Variants in MTO1 observed in about 807,000 individuals in gnomAD.
MTO1 encodes 5-taurinomethyluridine-[tRNA] synthase subunit MTO1, mitochondrial.
MTO1 carries 46 observed loss-of-function variants against 71.6 expected under a neutral mutation model. The observed-to-expected ratio is 0.64, with a 90% CI of 0.51 to 0.82. The LOEUF is 0.82. MTO1 is among the 40% of genes least tolerant of loss of function. The pLI is 0.00. For missense variants in MTO1, 773 were observed against 867.5 expected, an observed-to-expected ratio of 0.89 and a Z score of 1.37; for synonymous variants, 297 against 312.1, an observed-to-expected ratio of 0.95 and a Z score of 0.51.
At chr6:73,490,783 G>A (rs1675981337) in intron 9 of MTO1, among the ~76,000 whole-genome samples, 1 of 151,622 alleles carries the variant, frequency 6.6e-6, no homozygotes. Context: ...AAAGGTATAT[G>A]TAAATGAAGT....
chr6:73,481,912 A>C, intron 7 of MTO1, 128 bp from the exon 8 acceptor site: 1 of 903,154 alleles, frequency 1.1e-6, no homozygotes, highest in South Asian at 1.5e-5. Flanking sequence ...TTCTACCTCT[A>C]TTATATCCCT....
Position 73,507,211 on chromosome 6 carries a change from T to C in MTO1, c.*6476T>C, listed in dbSNP as rs1199210394. ...CAGGTATGGTGGTTCACACCTGTAA[T>C]CCCAGCACTTTGGAAGGCCAAAGTG... On this transcript the variant is annotated 3_prime_UTR_variant, in exon 12 of 12. Transcript: ENST00000498286. 1 of 152,230 alleles carries C rather than the reference T, an allele frequency of 6.6e-6. No homozygotes were observed. Among genetic ancestry groups the C allele is most frequent in the East Asian group, 1.9e-4 (1 of 5,164 alleles). The allele number at this position is 152,230 out of a possible 1,614,324, so 9.4% of individuals were successfully genotyped here. A position where few individuals can be genotyped will look rare whatever the true frequency, so the allele number is the denominator to read the frequency against.
At chr6:73,480,623 G>A (rs1179862227) in intron 6 of MTO1, 52 bp from the exon 7 acceptor site, 3 of 1,604,384 alleles carry the variant, frequency 1.9e-6, no homozygotes, top group Non-Finnish European at 2.6e-6. Flanking sequence ...TCTCTACCTT[G>A]AGCAAATCCA....
chr6:73,482,501 G>C lies in MTO1; in HGVS notation c.1518G>C (p.Trp506Cys). ...AACAACGATATGAAAGAGCTTGTTG[G>C]ATGAAGTCTTCTTTAGAAGAAGGCA... is the stretch of plus-strand genomic sequence containing the variant. ...VSQQRYERAC[W>C]MKSSLEEGIS... Residue 506 changes from tryptophan to cysteine, a missense_variant, in exon 9 of 12, where the codon TGG (tryptophan) becomes TGC (cysteine). Transcript: ENST00000498286. The C allele has an allele frequency of 1.2e-6, 2 of 1,613,464 alleles. No homozygotes were observed. The highest frequency in any genetic ancestry group is 1.7e-6 in the Non-Finnish European group (2 of 1,179,888).
intron 7 of MTO1, 69 bp downstream of exon 7, chr6:73,480,874 G>A (rs1245335041): frequency 6.8e-7 from 1 of 1,474,162 alleles, no homozygotes; most frequent in African/African-American, 1.4e-5. Flanking sequence ...TTTAATGTCT[G>A]TTGTGTTAAC....
At chr6:73,496,797 A>C (rs565419715) in intron 10 of MTO1, among the ~76,000 whole-genome samples, 1 of 151,912 alleles carries the variant, frequency 6.6e-6, no homozygotes, top group African/African-American at 2.4e-5. Context: ...GCTCATGCCT[A>C]TAATCCCAGC....
intron 4 of MTO1, among the ~76,000 whole-genome samples, chr6:73,475,148 AGACAGG>A (rs922873568): frequency 2.0e-5 from 3 of 152,052 alleles, no homozygotes; most frequent in Non-Finnish European, 4.4e-5. Flanking sequence ...TTTTTAATAG[AGACAGG>A]GTCTCGCCAT....
chr6:73,469,086 G>A (rs895813474), intron 3 of MTO1, among the ~76,000 whole-genome samples: 1 of 152,004 alleles, frequency 6.6e-6, no homozygotes, highest in Non-Finnish European at 1.5e-5. Flanking sequence ...ATCGCTCACT[G>A]TAGCCTCCAC....
chr6:73,464,212 G>A (rs1031080715), intron 1 of MTO1: 1 of 152,096 alleles, frequency 6.6e-6, no homozygotes, highest in Non-Finnish European at 1.5e-5. Flanking sequence ...CTAGGCCAGG[G>A]GTGATTACTC....
intron 11 of MTO1, among the ~76,000 whole-genome samples, chr6:73,498,977 T>G (rs2150045596): frequency 6.6e-6 from 1 of 152,266 alleles, no homozygotes; most frequent in Non-Finnish European, 1.5e-5. Context: ...TCTGCCCGCC[T>G]TGGCCTCCCA....
rs967891182 is a variant in MTO1, at chr6:73,473,239, A to G, written c.536-126A>G. 3 of 1,032,158 alleles carry G rather than the reference A, an allele frequency of 2.9e-6. No individual in the cohort carries two copies. In the African/African-American group the frequency reaches 4.9e-5, roughly 17 times the overall value. 63.9% of individuals were successfully genotyped at this position (1,032,158 alleles called of 1,614,324 possible). ...GGTTGCAGTGAGCGGACATTGCACC[A>G]CTGCCCTCCAGCCTGGCGATAGAGT... On this transcript the variant is annotated intron_variant, in intron 3 of 11. Coordinates refer to ENST00000498286, the MANE Select transcript of MTO1 (RefSeq NM_012123.4).
intron 3 of MTO1, among the ~76,000 whole-genome samples, chr6:73,467,618 T>TAAATAAATAAAA (rs1771037638): frequency 6.7e-6 from 1 of 149,880 alleles, no homozygotes; most frequent in Non-Finnish European, 1.5e-5. Context: ...TGTCTCAAAA[T>TAAATAAATAAAA]AAATAAATAA....
chr6:73,483,278 G>A (rs964565256), intron 9 of MTO1, among the ~76,000 whole-genome samples: 1 of 151,900 alleles, frequency 6.6e-6, no homozygotes, highest in Non-Finnish European at 1.5e-5. Context: ...GCGTGGTAGT[G>A]CACACCTGTA....
chr6:73,462,189 T>C (rs1455542983), intron 1 of MTO1, 118 bp downstream of exon 1: 2 of 1,154,016 alleles, frequency 1.7e-6, no homozygotes, highest in South Asian at 2.8e-5. Flanking sequence ...AATCCTACCT[T>C]CTGTGGTTTT....
In MTO1 at chr6:73,479,917, T is replaced by C. The variant is rs1445509856; in HGVS notation, c.939-19T>C. 1.9e-6 allele frequency: 3 copies of C among 1,607,708 alleles called. No homozygotes were observed. The highest frequency in any genetic ancestry group is 4.5e-5 in the East Asian group (2 of 44,830). On this transcript the variant is annotated intron_variant, in intron 5 of 11. Coordinates refer to ENST00000498286, the MANE Select transcript of MTO1 (RefSeq NM_012123.4). The stretch of plus-strand genomic sequence containing the variant: ...TCCTCTTTTGTTCATTTCAAGTTTA[T>C]TTAAATGTTCTATTCTAGATACTGT...
At chr6:73,480,592 C>A in intron 6 of MTO1, 83 bp from the exon 7 acceptor site, 2 of 1,519,656 alleles carry the variant, frequency 1.3e-6, no homozygotes, top group Non-Finnish European at 1.8e-6. Context: ...TTTTAAAGGG[C>A]ATTTAAGGGT....
chr6:73,466,757 T>C (rs1561939535), intron 3 of MTO1, 151 bp downstream of exon 3: 10 of 652,006 alleles, frequency 1.5e-5, no homozygotes, highest in African/African-American at 3.7e-5. Context: ...TAAATAAATA[T>C]GTTTCTCTTT....
intron 4 of MTO1, among the ~76,000 whole-genome samples, chr6:73,479,044 A>G (rs946705685): frequency 1.3e-5 from 2 of 150,552 alleles, no homozygotes; most frequent in Non-Finnish European, 3.0e-5. Flanking sequence ...ACCCGCCACC[A>G]TGCCCAGCTA....
chr6:73,473,137 A>C (rs1771197392), intron 3 of MTO1, among the ~76,000 whole-genome samples: 1 of 152,104 alleles, frequency 6.6e-6, no homozygotes. Context: ...AAACTAGCTG[A>C]GCGTGGTGGC....
Sources: allele counts gnomAD v4.1 joint callset (sites outside exome capture counted in the v4.1 genomes callset), GRCh38; gene constraint gnomAD v4.1.1; transcripts MANE v1.5; gene names NCBI Gene and HGNC (gene_info 2026-07-23, HGNC 2026-07-21).